The following RBM6 variants were observed in gnomAD, a reference collection of about 807,000 sequenced individuals.
RBM6 encodes RNA binding motif protein 6.
Under a neutral mutation model 140.4 loss-of-function variants are expected in RBM6, and 23 were observed. The observed-to-expected ratio is 0.16, with a 90% CI of 0.12 to 0.23. The LOEUF is 0.23. RBM6 is among the 10% of genes least tolerant of loss of function. The pLI, the probability that RBM6 is intolerant of heterozygous loss-of-function variation, is 1.00. For missense variants in RBM6, 1,139 were observed against 1,386.7 expected, an observed-to-expected ratio of 0.82 and a Z score of 2.84; for synonymous variants, 439 against 475.6, an observed-to-expected ratio of 0.92 and a Z score of 1.00.
rs1242707294 is a variant in RBM6 at position 49,967,380 on chromosome 3, A to C, written c.45-90A>C. 2 of 1,513,808 alleles carry C rather than the reference A, an allele frequency of 1.3e-6. No homozygotes were observed. The highest frequency in any genetic ancestry group is 1.8e-6 in the Non-Finnish European group (2 of 1,133,350). The allele number at this position is 1,513,808 out of a possible 1,614,324, so 93.8% of individuals were successfully genotyped here. On this transcript the variant is annotated intron_variant, in intron 2 of 20. Coordinates refer to ENST00000266022, the MANE Select transcript of RBM6 (RefSeq NM_005777.3). This position sits in a 1 kb window ranked among gnomAD's most constrained non-coding sequence, Gnocchi z 4.0. The stretch of plus-strand genomic sequence containing the variant: ...TCTGCCAAAAAAAAAATGTTTACAG[A>C]AGAATGTGCTGTGATTAGAGAAGAA...
intron 19 of RBM6, among the ~76,000 whole-genome samples, chr3:50,073,622 T>C (rs1448037705): frequency 6.6e-6 from 1 of 152,204 alleles, no homozygotes; most frequent in African/African-American, 2.4e-5. Context: ...CACACTGGAC[T>C]CCTACTCCCA....
At chr3:50,051,949 C>T (rs2089485340) in intron 7 of RBM6, among the ~76,000 whole-genome samples, 1 of 152,260 alleles carries the variant, frequency 6.6e-6, no homozygotes, top group South Asian at 2.1e-4. Context: ...GGAGGTAACT[C>T]CACTAGATTT....
At chr3:49,979,584 T>C (rs2085212197) in intron 5 of RBM6, among the ~76,000 whole-genome samples, 1 of 151,662 alleles carries the variant, frequency 6.6e-6, no homozygotes, top group Non-Finnish European at 1.5e-5. Flanking sequence ...GGATTACAGG[T>C]GTGTGCCACC....
At chr3:50,062,254 C>T (rs774848308) in intron 15 of RBM6, 146 bp downstream of exon 15, 3 of 984,332 alleles carry the variant, frequency 3.0e-6, no homozygotes, top group Non-Finnish European at 4.3e-6. Flanking sequence ...CCTGTAATCC[C>T]AGCACTTTGG....
intron 5 of RBM6, among the ~76,000 whole-genome samples, chr3:49,980,335 A>C (rs1423149317): frequency 6.6e-6 from 1 of 152,110 alleles, no homozygotes; most frequent in Non-Finnish European, 1.5e-5. Flanking sequence ...AAAATACATA[A>C]TGAAGTTTTT....
chr3:50,009,373 G>A (rs2108762545), intron 6 of RBM6, among the ~76,000 whole-genome samples: 1 of 152,264 alleles, frequency 6.6e-6, no homozygotes, highest in Admixed American at 6.5e-5. Flanking sequence ...GGCTGCAGGT[G>A]ACATTGAGTG....
intron 6 of RBM6, among the ~76,000 whole-genome samples, chr3:50,009,856 C>T (rs1456643335): frequency 6.6e-6 from 1 of 151,912 alleles, no homozygotes; most frequent in Admixed American, 6.6e-5. Flanking sequence ...GCCACTGTAC[C>T]CAGCCTAGAA....
intron 7 of RBM6, among the ~76,000 whole-genome samples, chr3:50,050,880 A>G (rs1315252013): frequency 6.6e-6 from 1 of 152,042 alleles, no homozygotes; most frequent in African/African-American, 2.4e-5. Context: ...GAAATGTTCA[A>G]CCAAGTCCTC....
At chr3:50,043,441 C>T (rs1353646668) in intron 6 of RBM6, among the ~76,000 whole-genome samples, 2 of 150,498 alleles carry the variant, frequency 1.3e-5, no homozygotes, top group Non-Finnish European at 3.0e-5. Flanking sequence ...CAAGATCATG[C>T]CACTGCATGC....
intron 5 of RBM6, among the ~76,000 whole-genome samples, chr3:49,995,371 C>T (rs899803263): frequency 2.0e-5 from 3 of 152,036 alleles, no homozygotes; most frequent in Non-Finnish European, 2.9e-5. Flanking sequence ...GCCTGGCCAA[C>T]GTGGCGAAAC....
At chr3:49,974,966 T>C (rs1368961305) in intron 4 of RBM6, among the ~76,000 whole-genome samples, 2 of 151,732 alleles carry the variant, frequency 1.3e-5, no homozygotes, top group Non-Finnish European at 2.9e-5. Flanking sequence ...GGATTACATG[T>C]GTGAGCCACC....
chr3:49,957,357 G>A (rs776489588), intron 1 of RBM6, among the ~76,000 whole-genome samples: 1 of 146,550 alleles, frequency 6.8e-6, no homozygotes, highest in African/African-American at 2.5e-5. Context: ...TATGGCCAAT[G>A]GTGGTTTCAA....
intron 5 of RBM6, among the ~76,000 whole-genome samples, chr3:49,987,993 G>A (rs540832105): frequency 2.0e-5 from 3 of 152,258 alleles, no homozygotes; most frequent in African/African-American, 7.2e-5. Flanking sequence ...AGAACAATCT[G>A]AAACCTGATT....
At chr3:50,041,108 C>T (rs9814664) in intron 6 of RBM6, among the ~76,000 whole-genome samples, 79,480 of 152,002 alleles carry the variant, frequency 0.52, 21,482 homozygotes, top group East Asian at 0.86. Flanking sequence ...CGTTTGCTGT[C>T]AAGAACATTT....
At chr3:49,950,879 C>T (rs1052578383) in intron 1 of RBM6, among the ~76,000 whole-genome samples, 3 of 152,008 alleles carry the variant, frequency 2.0e-5, no homozygotes, top group South Asian at 4.1e-4. Context: ...AACAGAGTCT[C>T]GATGAGATAT....
At chr3:50,008,038 G>A (rs1419448054) in intron 6 of RBM6, among the ~76,000 whole-genome samples, 1 of 152,166 alleles carries the variant, frequency 6.6e-6, no homozygotes, top group African/African-American at 2.4e-5. Context: ...CAAGGTTGCA[G>A]TGAGCTGTGA....
At chr3:50,028,120 G>T (rs888220464) in intron 6 of RBM6, among the ~76,000 whole-genome samples, 12 of 151,736 alleles carry the variant, frequency 7.9e-5, no homozygotes, top group African/African-American at 2.9e-4. Context: ...ACATGTGTCA[G>T]TCTTAAATAT....
chr3:49,953,244 G>C (rs1437808362), intron 1 of RBM6, among the ~76,000 whole-genome samples: 1 of 150,664 alleles, frequency 6.6e-6, no homozygotes, highest in Non-Finnish European at 1.5e-5. Flanking sequence ...TTTTGAGATG[G>C]AGTCTTGCCC....
chr3:50,048,101 A>G, intron 6 of RBM6, 144 bp from the exon 7 acceptor site: 1 of 1,444,916 alleles, frequency 6.9e-7, no homozygotes, highest in Non-Finnish European at 9.1e-7. Flanking sequence ...GTGGCTTAAA[A>G]CAGCCATTTC....
Sources: allele counts gnomAD v4.1 joint callset (sites outside exome capture counted in the v4.1 genomes callset), GRCh38; gene constraint gnomAD v4.1.1; non-coding constraint Gnocchi (gnomAD v3.1); transcripts MANE v1.5; gene names NCBI Gene and HGNC (gene_info 2026-07-23, HGNC 2026-07-21).